The following C16orf89 variants were observed in gnomAD, a reference collection of about 807,000 sequenced individuals.
C16orf89 encodes the protein chromosome 16 open reading frame 89.
In C16orf89, 57 loss-of-function variants were observed where a neutral mutation model predicts 41.5. The observed-to-expected ratio is 1.38, with a 90% confidence interval of 1.11 to 1.71. The LOEUF is 1.71. Ranked by LOEUF, C16orf89 falls within the 40% of genes most tolerant of loss-of-function variation. C16orf89 has a pLI of 0.00. For synonymous variants in C16orf89, 223 were observed against 190.6 expected (o/e 1.17, Z -1.40); for missense variants, 575 against 445.9 (o/e 1.29, Z -2.61).
At chr16:5,054,072 T>A (rs1342841734) in intron 6 of C16orf89, among the ~76,000 whole-genome samples, 3 of 152,208 alleles carry the variant, frequency 2.0e-5, no homozygotes, top group African/African-American at 7.2e-5. Flanking sequence ...TCTGGAGGCC[T>A]AAGAATCTTC....
chr16:5,064,259 G>A (rs916278259), intron 1 of C16orf89, among the ~76,000 whole-genome samples: 1 of 152,202 alleles, frequency 6.6e-6, no homozygotes, highest in Non-Finnish European at 1.5e-5. Flanking sequence ...ACCAGTCCCT[G>A]GTGTCAAAAA....
At position 5,047,895 on chromosome 16, in the gene C16orf89, C is replaced by T. The variant is rs532111292; in HGVS notation, c.938G>A (p.Arg313Gln). 6.9e-5 allele frequency: 109 copies of T among 1,589,882 alleles called. No homozygotes were observed. Among genetic ancestry groups the T allele is most frequent in the Non-Finnish European group, 4.4e-5 (51 of 1,159,070 alleles). Residue 313 changes from arginine (R) to glutamine (Q), a missense_variant, in exon 7 of 8, where the codon CGA becomes CAA. Transcript: ENST00000472572. ...TTCATTACCTGGAAATTGTTTTTCT[C>T]GCCTCTTCACTCTCCTCGAAAAATG... ...QQHFSRRVKRREKQFPDGCSS... is the reference protein window; with the variant it reads ...QQHFSRRVKRQEKQFPDGCSS...
At chr16:5,046,895 A>G (rs1018475431) in intron 7 of C16orf89, among the ~76,000 whole-genome samples, 11 of 152,170 alleles carry the variant, frequency 7.2e-5, no homozygotes, top group African/African-American at 2.4e-4. Context: ...GGCACTATTC[A>G]TAATGGCTCC....
chr16:5,065,850 G>A lies in C16orf89; in HGVS notation c.59C>T (p.Ser20Phe), dbSNP rs1648407764. The change falls in exon 1 of 8, where the codon TCC becomes TTC. Residue 20 changes from serine to phenylalanine, a missense_variant. Transcript: ENST00000472572. The part of the protein sequence containing the change: ...LLLTALPPLW[S>F]SSLPGLDTAE... Reference sequence around the variant, plus strand: ...AGTGTCCAGCCCAGGCAGTGAGGAGGACCACAGCGGTGGCAGTGCTGTCAG... The same window carrying A: ...AGTGTCCAGCCCAGGCAGTGAGGAGAACCACAGCGGTGGCAGTGCTGTCAG... The A allele has an allele frequency of 6.2e-7, 1 of 1,614,242 alleles. No homozygotes were observed. The highest frequency in any genetic ancestry group is 8.5e-7 in the Non-Finnish European group (1 of 1,180,038).
At chr16:5,051,256 C>A (rs1017961627) in intron 6 of C16orf89, among the ~76,000 whole-genome samples, 1 of 152,168 alleles carries the variant, frequency 6.6e-6, no homozygotes, top group African/African-American at 2.4e-5. Context: ...AGGAGGAAGT[C>A]AAATTGTACC....
chr16:5,044,211 G>C lies in C16orf89; in HGVS notation c.*137C>G, dbSNP rs960353763. 7 of 1,415,098 alleles carry C rather than the reference G, an allele frequency of 4.9e-6. No individual in the cohort carries two copies. In the African/African-American group the frequency reaches 7.3e-5, roughly 15 times the overall value. 87.7% of individuals were successfully genotyped at this position (1,415,098 alleles called of 1,614,324 possible). ...GGCCTTGCCTACTCAGGGCTTCCAAGATTGGGTGTCGGGGTGGCTTTGCTT... is the reference window on the plus strand; with the variant it reads ...GGCCTTGCCTACTCAGGGCTTCCAACATTGGGTGTCGGGGTGGCTTTGCTT... On this transcript the variant is annotated 3_prime_UTR_variant, in exon 8 of 8. Transcript: ENST00000472572.
Position 5,058,502 on chromosome 16 carries a change from C to T in C16orf89, c.618G>A (p.Trp206Ter). 1 of 1,607,310 alleles carries T rather than the reference C, an allele frequency of 6.2e-7. No homozygotes were observed. Among genetic ancestry groups the T allele is most frequent in the Admixed American group, 1.7e-5 (1 of 59,942 alleles). Residue 206 changes from tryptophan to a stop codon, truncating the protein, a stop_gained, in exon 4 of 8, where the codon TGG becomes TGA. Transcript: ENST00000472572. LOFTEE classifies it high-confidence loss of function. ...CLSHQLLFFLWARMRGCTQGP... is the reference protein window; with the variant it reads ...CLSHQLLFFL Reference sequence around the variant, plus strand: ...CTCCCTGGGCACTCACCATTCTGGCCCAGAGGAAGAAGAGCAGTTGGTGGG... The same window carrying T: ...CTCCCTGGGCACTCACCATTCTGGCTCAGAGGAAGAAGAGCAGTTGGTGGG...
rs375113096 is a variant in C16orf89, at chr16:5,065,912, C to A, written c.-4G>T. On this transcript the variant is annotated 5_prime_UTR_variant, in exon 1 of 8. Transcript: ENST00000472572. ...GCAGCAGCCCCAGGCTGGCCATGGC[C>A]GGCCTCTGCTCACTGCTGGTCACAC... The A allele has an allele frequency of 6.2e-7, 1 of 1,611,992 alleles. No individual in the cohort carries two copies. Among genetic ancestry groups the A allele is most frequent in the Non-Finnish European group, 8.5e-7 (1 of 1,179,270 alleles).
In C16orf89 at chr16:5,056,146, T is replaced by C. The variant is rs991965815; in HGVS notation, c.670A>G (p.Ile224Val). Residue 224 changes from isoleucine to valine, a missense_variant, in exon 5 of 8, where the codon ATC becomes GTC. Transcript: ENST00000472572. ...QGPLQQSQDYINLFCANMMDL... is the reference protein window; with the variant it reads ...QGPLQQSQDYVNLFCANMMDL... Reference sequence around the variant, plus strand: ...ATCATGTTGGCGCAGAAGAGGTTGATATAGTCCTGGCTCTGTTGGAGTGGT... The same window carrying C: ...ATCATGTTGGCGCAGAAGAGGTTGACATAGTCCTGGCTCTGTTGGAGTGGT... The C allele has an allele frequency of 6.3e-7, 1 of 1,597,568 alleles. No individual in the cohort carries two copies. Among genetic ancestry groups the C allele is most frequent in the Admixed American group, 1.7e-5 (1 of 59,776 alleles).
At chr16:5,058,740 A>G in intron 3 of C16orf89, 130 bp from the exon 4 acceptor site, 1 of 681,344 alleles carries the variant, frequency 1.5e-6, no homozygotes, top group Non-Finnish European at 2.4e-6. Context: ...GGGGGTTGAC[A>G]GAGACAATAC....
At chr16:5,058,155 T>G (rs1956546956) in intron 4 of C16orf89, among the ~76,000 whole-genome samples, 1 of 151,588 alleles carries the variant, frequency 6.6e-6, no homozygotes, top group Non-Finnish European at 1.5e-5. Context: ...TGAGGCAGAG[T>G]CTTAGTCCAT....
chr16:5,044,694 A>C, intron 7 of C16orf89: 3 of 1,073,448 alleles, frequency 2.8e-6, no homozygotes, highest in East Asian at 3.6e-5. Context: ...AAATATAAAA[A>C]TTAGCCAGGT....
rs771363362 is a variant in C16orf89, at chr16:5,065,904, GC to G, written c.4del (p.Ala2ProfsTer11). On this transcript the variant is annotated frameshift_variant, in exon 1 of 8. Coordinates refer to ENST00000472572, the MANE Select transcript of C16orf89 (RefSeq NM_001098514.3). LOFTEE classifies it high-confidence loss of function. Reference sequence around the variant, plus strand: ...GAGCAGGAGCAGCAGCCCCAGGCTGGCCATGGCCGGCCTCTGCTCACTGCTG... The same window carrying G: ...GAGCAGGAGCAGCAGCCCCAGGCTGGCATGGCCGGCCTCTGCTCACTGCTG... The part of the protein sequence containing the change: M[A>X]SLGLLLLLLL... 6.2e-7 allele frequency: 1 copy of G among 1,612,576 alleles called. No homozygotes were observed. The highest frequency in any genetic ancestry group is 2.2e-5 in the East Asian group (1 of 44,832).
chr16:5,052,255 G>A (rs540469633), intron 6 of C16orf89, among the ~76,000 whole-genome samples: 55 of 152,164 alleles, frequency 3.6e-4, no homozygotes, highest in Non-Finnish European at 7.2e-4. Flanking sequence ...AAACCACAAT[G>A]AGATAGCATC....
chr16:5,044,575 G>T, intron 7 of C16orf89, 97 bp from the exon 8 acceptor site: 1 of 1,548,374 alleles, frequency 6.5e-7, no homozygotes, highest in Non-Finnish European at 8.7e-7. Flanking sequence ...AGACGCGGTG[G>T]CTCACACCTA....
intron 5 of C16orf89, 195 bp from the exon 6 acceptor site, chr16:5,055,545 G>T (rs147673703): frequency 2.0e-6 from 2 of 1,019,384 alleles, no homozygotes; most frequent in Admixed American, 2.7e-5. Flanking sequence ...CTTGTGTCCC[G>T]CCTCCCACTG....
chr16:5,064,749 G>T (rs1030715510), intron 1 of C16orf89, among the ~76,000 whole-genome samples: 18 of 152,202 alleles, frequency 1.2e-4, no homozygotes, highest in African/African-American at 4.3e-4. Flanking sequence ...TGTGGCGTGG[G>T]TGGAGAAGCC....
intron 2 of C16orf89, among the ~76,000 whole-genome samples, chr16:5,060,804 A>C (rs1446252538): frequency 4.6e-5 from 7 of 152,040 alleles, no homozygotes; most frequent in Non-Finnish European, 2.9e-5. Flanking sequence ...GTTCAAGACC[A>C]GCCTAGGCAA....
Position 5,065,743 on chromosome 16 carries a change from C to T in C16orf89, c.166G>A (p.Glu56Lys). 6.2e-7 allele frequency: 1 copy of T among 1,614,154 alleles called. No individual in the cohort carries two copies. The highest frequency in any genetic ancestry group is 8.5e-7 in the Non-Finnish European group (1 of 1,179,974). Residue 56 changes from glutamate to lysine, a missense_variant, in exon 1 of 8, where the codon GAA becomes AAA. By Grantham distance (56) the Glu-to-Lys change is moderately conservative (BLOSUM62 1). Transcript: ENST00000472572. ...CCCACCATGCCATCCAGGTTGATTT[C>T]AGGCAGCCTCTGTTCTAGGAAGACG... ...ATVFLEQRLP[E>K]INLDGMVGVR...
Sources: allele counts gnomAD v4.1 joint callset (sites outside exome capture counted in the v4.1 genomes callset), GRCh38; gene constraint gnomAD v4.1.1; transcripts MANE v1.5; gene names NCBI Gene and HGNC (gene_info 2026-07-23, HGNC 2026-07-21).